The following CORO2B variants were observed in gnomAD, a reference collection of about 807,000 sequenced individuals.
CORO2B encodes coronin-2B.
CORO2B carries 26 observed loss-of-function variants against 58.8 expected under a neutral mutation model. That is an observed-to-expected ratio of 0.44 (90% confidence interval 0.32 to 0.61). The LOEUF is 0.61. Ranked by LOEUF, CORO2B falls within the 20% of genes least tolerant of loss-of-function variation. The pLI is 0.04. For synonymous variants in CORO2B, 242 were observed against 253.8 expected (o/e 0.95, Z 0.44); for missense variants, 460 against 645.1 (o/e 0.71, Z 3.11).
In CORO2B at chr15:68,694,456, G is replaced by A. The variant is rs572985073; in HGVS notation, c.217-684G>A. Among the ~76,000 whole-genome samples, 10 of 152,358 alleles carry A rather than the reference G, an allele frequency of 6.6e-5. No homozygotes were observed. The South Asian group carries it at 1.9e-3, about 28-fold the overall frequency. ...TTCACTGCTAAAAATCAGCAGAGCT[G>A]TAATTCAAACACAGGCCTGTGGGAC... On this transcript the variant is annotated intron_variant, in intron 2 of 11. Transcript: ENST00000261861.
intron 3 of CORO2B, among the ~76,000 whole-genome samples, chr15:68,702,801 A>ATCTTTT (rs1280487041): frequency 8.1e-5 from 11 of 135,364 alleles, no homozygotes; most frequent in African/African-American, 1.4e-4. Flanking sequence ...CAGAAACCAT[A>ATCTTTT]TCTTTTTCTT....
intron 1 of CORO2B, among the ~76,000 whole-genome samples, chr15:68,582,488 A>G (rs1899452716): frequency 6.6e-6 from 1 of 152,182 alleles, no homozygotes; most frequent in South Asian, 2.1e-4. Flanking sequence ...GAGTAGCTCC[A>G]GCTGATTTTA....
At chr15:68,518,548 T>TC in the CORO2B span, among the ~76,000 whole-genome samples, 1 of 152,002 alleles carries the variant, frequency 6.6e-6, no homozygotes, top group South Asian at 2.1e-4. Context: ...TTGGCTCTTT[T>TC]CCCCCTTGCT....
chr15:68,626,754 T>C (rs751884740), intron 1 of CORO2B, among the ~76,000 whole-genome samples: 1 of 152,116 alleles, frequency 6.6e-6, no homozygotes, highest in Non-Finnish European at 1.5e-5. Flanking sequence ...TCAGTACTTA[T>C]GAAAAAACGT....
At chr15:68,567,941 C>T in the CORO2B span, among the ~76,000 whole-genome samples, 1 of 152,184 alleles carries the variant, frequency 6.6e-6, no homozygotes, top group Non-Finnish European at 1.5e-5. Context: ...ATTGCTTGAA[C>T]CCAGGAGGCG....
At chr15:68,559,782 G>A in the CORO2B span, among the ~76,000 whole-genome samples, 5 of 152,322 alleles carry the variant, frequency 3.3e-5, no homozygotes, top group East Asian at 9.7e-4. This position sits in a 1 kb window ranked among gnomAD's most constrained non-coding sequence, Gnocchi z 4.3. Context: ...GCCCACCAGG[G>A]GGCGCGGCCC....
chr15:68,681,300 G>A (rs890214315), intron 2 of CORO2B, among the ~76,000 whole-genome samples: 16 of 152,080 alleles, frequency 1.1e-4, no homozygotes, highest in African/African-American at 3.4e-4. Context: ...GTCTCAGTGG[G>A]AGCAGGAGTT....
At chr15:68,519,445 A>AG in the CORO2B span, among the ~76,000 whole-genome samples, 1 of 152,214 alleles carries the variant, frequency 6.6e-6, no homozygotes, top group African/African-American at 2.4e-5. Context: ...CCAAAGCTCT[A>AG]GGCAGTCTGA....
the CORO2B span, among the ~76,000 whole-genome samples, chr15:68,571,730 C>A: frequency 6.6e-6 from 1 of 152,202 alleles, no homozygotes; most frequent in African/African-American, 2.4e-5. Flanking sequence ...AACCGGTAAC[C>A]TGGGAGATAA....
intron 1 of CORO2B, among the ~76,000 whole-genome samples, chr15:68,590,749 C>A (rs1250054036): frequency 1.3e-5 from 2 of 152,122 alleles, no homozygotes; most frequent in Non-Finnish European, 2.9e-5. Context: ...AAGGAAAACA[C>A]TAGAGTAGGT....
intron 1 of CORO2B, among the ~76,000 whole-genome samples, chr15:68,643,085 A>T (rs963541446): frequency 3.9e-5 from 6 of 152,248 alleles, no homozygotes; most frequent in African/African-American, 1.4e-4. Flanking sequence ...CATTAGCAGT[A>T]GTATCTGTGA....
chr15:68,662,731 A>G (rs1001646963), intron 2 of CORO2B, among the ~76,000 whole-genome samples: 6 of 152,250 alleles, frequency 3.9e-5, no homozygotes, highest in Admixed American at 1.3e-4. Flanking sequence ...TGGTGCAGTT[A>G]TGACTTAATA....
At chr15:68,538,276 C>T in the CORO2B span, among the ~76,000 whole-genome samples, 2 of 152,122 alleles carry the variant, frequency 1.3e-5, no homozygotes, top group African/African-American at 4.8e-5. Context: ...CACAGCTTTC[C>T]AGGAGGCCCA....
chr15:68,647,075 A>T (rs532019139), intron 2 of CORO2B, among the ~76,000 whole-genome samples: 1 of 152,212 alleles, frequency 6.6e-6, no homozygotes, highest in Non-Finnish European at 1.5e-5. Flanking sequence ...AATACCTCAC[A>T]TCATGACAAA....
chr15:68,671,318 C>T (rs535862791), intron 2 of CORO2B, among the ~76,000 whole-genome samples: 2 of 152,254 alleles, frequency 1.3e-5, no homozygotes, highest in South Asian at 4.1e-4. Flanking sequence ...ATGTCAGGGA[C>T]TGTGCCCACA....
the CORO2B span, among the ~76,000 whole-genome samples, chr15:68,549,155 TCA>T: frequency 6.2e-4 from 95 of 152,220 alleles, no homozygotes; most frequent in African/African-American, 2.2e-3. Flanking sequence ...GAGGAGAAAA[TCA>T]CAATCCTACT....
chr15:68,587,639 T>C (rs1044614283), intron 1 of CORO2B, among the ~76,000 whole-genome samples: 1 of 152,204 alleles, frequency 6.6e-6, no homozygotes, highest in African/African-American at 2.4e-5. Context: ...ATAACAATAA[T>C]AATAGAAGCG....
the CORO2B span, among the ~76,000 whole-genome samples, chr15:68,528,169 A>C: frequency 2.6e-5 from 4 of 152,130 alleles, no homozygotes; most frequent in Admixed American, 2.6e-4. Context: ...CTTTAGGACA[A>C]TGTTGAATAG....
intron 5 of CORO2B, 99 bp from the exon 6 acceptor site, chr15:68,713,826 C>A: frequency 1.3e-6 from 1 of 779,748 alleles, no homozygotes. Flanking sequence ...GGGGCCAGGG[C>A]TGAGGACATG....
Sources: gnomAD v4.1 joint callset for allele counts (sites outside exome capture counted in the v4.1 genomes callset) on GRCh38, gnomAD v4.1.1 for gene constraint, Gnocchi (gnomAD v3.1) non-coding constraint, MANE v1.5 for transcripts, NCBI Gene and HGNC (gene_info 2026-07-23, HGNC 2026-07-21) for gene names.